Variants in GSG1L observed in about 807,000 individuals in gnomAD.
The protein encoded by GSG1L is GSG1 like.
A neutral mutation model predicts 42.1 loss-of-function variants in GSG1L; 24 were observed. The ratio of observed to expected loss-of-function variants is 0.57; its 90% CI spans 0.41 to 0.80. The LOEUF (loss-of-function observed/expected upper bound fraction) is 0.80. Among genes scored for constraint, GSG1L ranks in the 30% least tolerant of loss-of-function variants. The probability of loss-of-function intolerance (pLI) is 0.00; values close to 1 mark genes in which losing one functional copy is unlikely to be tolerated. For synonymous variants in GSG1L, 215 were observed against 203.5 expected (o/e 1.06, Z -0.48); for missense variants, 445 against 472.2 (o/e 0.94, Z 0.53).
intron 2 of GSG1L, among the ~76,000 whole-genome samples, chr16:27,944,724 C>T (rs1483942292): frequency 6.6e-6 from 1 of 151,778 alleles, no homozygotes; most frequent in Non-Finnish European, 1.5e-5. Context: ...CACAAAAGTC[C>T]ACATATTCTA....
intron 2 of GSG1L, among the ~76,000 whole-genome samples, chr16:27,911,246 A>C (rs2084383775): frequency 9.0e-6 from 1 of 110,754 alleles, no homozygotes; most frequent in Non-Finnish European, 1.9e-5. Flanking sequence ...TTTCTTCTCT[A>C]GCCTCATCAC....
chr16:27,816,375 A>C (rs543609780), intron 5 of GSG1L, among the ~76,000 whole-genome samples: 4 of 152,304 alleles, frequency 2.6e-5, no homozygotes, highest in Admixed American at 6.5e-5. Flanking sequence ...CCCAGAAGAG[A>C]CAGAGTCCCC....
chr16:27,888,551 CTT>C lies in GSG1L; in HGVS notation c.398-3915_398-3914del, dbSNP rs112892275. 2.0e-4 allele frequency among the ~76,000 whole-genome samples: 4 copies of C among 20,288 alleles called. No homozygotes were observed. The Admixed American group carries it at 2.9e-3, about 15-fold the overall frequency. 13.3% of individuals were successfully genotyped at this position (20,288 alleles called of 152,430 possible). On this transcript the variant is annotated intron_variant, in intron 2 of 6. Transcript: ENST00000447459. Reference sequence around the variant, plus strand: ...TCTTTCTTTCTTTCTTTCTTTCTTTCTTTCTTTCTTTCTTTCTTTCTTTCTTT... The same window carrying C: ...TCTTTCTTTCTTTCTTTCTTTCTTTCTCTTTCTTTCTTTCTTTCTTTCTTT...
At chr16:27,844,750 G>A (rs545970589) in intron 4 of GSG1L, among the ~76,000 whole-genome samples, 200 bp downstream of exon 4, 109 of 152,244 alleles carry the variant, frequency 7.2e-4, no homozygotes, top group Non-Finnish European at 1.4e-3. Flanking sequence ...AACAGGTGGT[G>A]GGCCAGATTT....
chr16:27,986,553 G>A (rs1001013643), intron 1 of GSG1L, among the ~76,000 whole-genome samples: 3 of 151,694 alleles, frequency 2.0e-5, no homozygotes, highest in Non-Finnish European at 1.5e-5. Context: ...ATACCTAGAG[G>A]CTATGGAAAC....
chr16:27,996,989 T>G (rs796359909), intron 1 of GSG1L, among the ~76,000 whole-genome samples: 10 of 152,274 alleles, frequency 6.6e-5, no homozygotes, highest in African/African-American at 2.2e-4. Flanking sequence ...CTCGAACTTC[T>G]GACTTCAGGT....
At chr16:28,003,311 C>T (rs1156322525) in intron 1 of GSG1L, among the ~76,000 whole-genome samples, 1 of 152,244 alleles carries the variant, frequency 6.6e-6, no homozygotes, top group Non-Finnish European at 1.5e-5. Context: ...GATACACGGG[C>T]ATCTCGCTGA....
At chr16:27,979,804 A>AAAGAAAGAAAG (rs2085304859) in intron 1 of GSG1L, among the ~76,000 whole-genome samples, 1 of 125,938 alleles carries the variant, frequency 7.9e-6, no homozygotes, top group African/African-American at 3.1e-5. Flanking sequence ...AAGGAAAGAA[A>AAAGAAAGAAAG]GAAAGAAAGA....
chr16:27,821,456 C>G (rs1010215472), intron 5 of GSG1L, among the ~76,000 whole-genome samples: 18 of 152,096 alleles, frequency 1.2e-4, no homozygotes, highest in Non-Finnish European at 2.2e-4. Flanking sequence ...CTTGCAGTCC[C>G]CAATGTCTGT....
intron 2 of GSG1L, among the ~76,000 whole-genome samples, chr16:27,890,580 G>C (rs2084114238): frequency 6.6e-6 from 1 of 152,232 alleles, no homozygotes; most frequent in Non-Finnish European, 1.5e-5. Flanking sequence ...GTGCACCTAT[G>C]AACCTGGTGG....
chr16:27,897,477 T>G (rs2084204579), intron 2 of GSG1L, among the ~76,000 whole-genome samples: 1 of 152,096 alleles, frequency 6.6e-6, no homozygotes, highest in South Asian at 2.1e-4. Context: ...TTTTTAAATT[T>G]TTTGTAGAGA....
chr16:27,939,281 C>A (rs1037846213), intron 2 of GSG1L, among the ~76,000 whole-genome samples: 9 of 152,034 alleles, frequency 5.9e-5, no homozygotes, highest in Non-Finnish European at 8.8e-5. Flanking sequence ...ACCACCACAC[C>A]CAGCTTTTTT....
At chr16:27,865,521 T>C (rs1484506883) in intron 3 of GSG1L, among the ~76,000 whole-genome samples, 9 of 68,822 alleles carry the variant, frequency 1.3e-4, no homozygotes, top group Admixed American at 6.2e-4. Flanking sequence ...CTCTCTCTCT[T>C]TCTATATATA....
At chr16:27,978,700 A>AG (rs2085278261) in intron 1 of GSG1L, among the ~76,000 whole-genome samples, 1 of 149,566 alleles carries the variant, frequency 6.7e-6, no homozygotes, top group Admixed American at 6.6e-5. Flanking sequence ...CAAAAAAAAA[A>AG]AAAAAAAATC....
chr16:27,999,499 A>C (rs951147182), intron 1 of GSG1L, among the ~76,000 whole-genome samples: 4 of 152,196 alleles, frequency 2.6e-5, no homozygotes, highest in Non-Finnish European at 5.9e-5. Flanking sequence ...GATTTTATGC[A>C]TCTGTTGTTA....
intron 2 of GSG1L, among the ~76,000 whole-genome samples, chr16:27,925,898 G>A (rs1296285576): frequency 6.6e-6 from 1 of 152,232 alleles, no homozygotes; most frequent in Non-Finnish European, 1.5e-5. Flanking sequence ...ACCTCACACA[G>A]TGACAGCAGA....
At chr16:28,041,703 G>A (rs1029320191) in intron 1 of GSG1L, among the ~76,000 whole-genome samples, 2 of 152,156 alleles carry the variant, frequency 1.3e-5, no homozygotes, top group African/African-American at 4.8e-5. Context: ...TAGAGCAGGT[G>A]GGTTACCTGA....
chr16:27,913,987 G>GT (rs200261477), intron 2 of GSG1L, among the ~76,000 whole-genome samples: 527 of 144,904 alleles, frequency 3.6e-3, no homozygotes, highest in Middle Eastern at 3.8e-3. Flanking sequence ...TTTCCTTCCA[G>GT]TTTTTTTTTT....
intron 1 of GSG1L, among the ~76,000 whole-genome samples, chr16:28,014,654 A>AT (rs3033619): frequency 0.012 from 864 of 73,416 alleles, 8 homozygotes; most frequent in Non-Finnish European, 0.013. Context: ...CAGGCACGCT[A>AT]TTTTTTTTTT....
Sources: allele counts gnomAD v4.1 joint callset (sites outside exome capture counted in the v4.1 genomes callset), GRCh38; gene constraint gnomAD v4.1.1; transcripts MANE v1.5; gene names NCBI Gene and HGNC (gene_info 2026-07-23, HGNC 2026-07-21).